ZNF480: variants seen among roughly 807,000 people sequenced by gnomAD.
The protein encoded by ZNF480 is zinc finger protein 480.
In ZNF480, 15 loss-of-function variants were observed where a neutral mutation model predicts 14.4. The ratio of observed to expected loss-of-function variants is 1.04; its 90% confidence interval spans 0.70 to 1.60. The LOEUF is 1.60. ZNF480 is among the 40% of genes most tolerant of loss of function. The pLI, the probability that ZNF480 is intolerant of heterozygous loss-of-function variation, is 0.00. For synonymous variants in ZNF480, 218 were observed against 215.5 expected, an observed-to-expected ratio of 1.01 and a Z score of -0.10; for missense variants, 593 against 629.7, an observed-to-expected ratio of 0.94 and a Z score of 0.62.
At chr19:52,307,963 AGCCTGTTTATGACAGGCTTAGG>A (rs1450933924) in intron 2 of ZNF480, among the ~76,000 whole-genome samples, 1 of 152,200 alleles carries the variant, frequency 6.6e-6, no homozygotes, top group Non-Finnish European at 1.5e-5. Flanking sequence ...GCTTCTTTAA[AGCCTGTTTATGACAGGCTTAGG>A]GCCTGTTGCC....
intron 1 of ZNF480, among the ~76,000 whole-genome samples, chr19:52,298,430 T>C (rs1982520424): frequency 6.6e-6 from 1 of 151,982 alleles, no homozygotes; most frequent in South Asian, 2.1e-4. Flanking sequence ...GTCAGGAGTT[T>C]GAGACCAGCG....
At chr19:52,309,545 C>T (rs1161623119) in intron 2 of ZNF480, among the ~76,000 whole-genome samples, 1 of 152,184 alleles carries the variant, frequency 6.6e-6, no homozygotes, top group African/African-American at 2.4e-5. Flanking sequence ...GAAACTTGTC[C>T]CTTAGGCAGT....
chr19:52,297,483 C>T (rs1294446449), intron 1 of ZNF480, among the ~76,000 whole-genome samples: 2 of 151,894 alleles, frequency 1.3e-5, no homozygotes, highest in East Asian at 2.0e-4. Flanking sequence ...TCAAGTCCTT[C>T]AGTGATGCTT....
intron 2 of ZNF480, among the ~76,000 whole-genome samples, chr19:52,312,473 A>C (rs1374126217): frequency 6.6e-6 from 1 of 152,032 alleles, no homozygotes; most frequent in Admixed American, 6.6e-5. Flanking sequence ...ATGACCTTTT[A>C]TGAAGGTCCA....
chr19:52,301,334 G>C (rs1396917372), intron 2 of ZNF480: 3 of 152,286 alleles, frequency 2.0e-5, no homozygotes, highest in Admixed American at 1.3e-4. Flanking sequence ...CCTGGCATTA[G>C]CATCAGATGT....
At chr19:52,307,940 C>T (rs570438315) in intron 2 of ZNF480, among the ~76,000 whole-genome samples, 2 of 152,122 alleles carry the variant, frequency 1.3e-5, no homozygotes, top group Admixed American at 1.3e-4. Context: ...TGCAGAAATC[C>T]TATTTATGGC....
intron 4 of ZNF480, among the ~76,000 whole-genome samples, chr19:52,317,144 A>G (rs1355398238): frequency 6.6e-6 from 1 of 151,860 alleles, no homozygotes; most frequent in Admixed American, 6.6e-5. Flanking sequence ...CAGCCTCCCA[A>G]ACAGCTAGGA....
intron 2 of ZNF480, chr19:52,300,914 C>G (rs577654661): frequency 5.0e-6 from 1 of 201,118 alleles, no homozygotes; most frequent in African/African-American, 2.3e-5. Flanking sequence ...AAGGCACAGG[C>G]CACTCATGCT....
chr19:52,312,620 T>C (rs1377126101), intron 2 of ZNF480, among the ~76,000 whole-genome samples: 1 of 152,226 alleles, frequency 6.6e-6, no homozygotes, highest in Non-Finnish European at 1.5e-5. Flanking sequence ...CTTACTTTGC[T>C]GTTTTTAGTC....
intron 1 of ZNF480, 32 bp downstream of exon 1, chr19:52,297,255 C>T (rs1031760403): frequency 8.9e-6 from 4 of 449,626 alleles, no homozygotes; most frequent in Admixed American, 7.2e-5. Flanking sequence ...TTAATCTGCG[C>T]TTCCCAACTC....
At chr19:52,313,450 T>C (rs903099626) in intron 2 of ZNF480, among the ~76,000 whole-genome samples, 4 of 152,122 alleles carry the variant, frequency 2.6e-5, no homozygotes, top group African/African-American at 9.7e-5. Flanking sequence ...TAATTCTTTT[T>C]TTTTTTTGAA....
intron 2 of ZNF480, chr19:52,302,123 GT>G: frequency 8.3e-6 from 2 of 240,048 alleles, no homozygotes; most frequent in South Asian, 5.4e-5. Context: ...TCGGCTGCTG[GT>G]TTTGGCCTGG....
intron 1 of ZNF480, chr19:52,297,975 G>A (rs1982491022): frequency 6.6e-6 from 1 of 152,252 alleles, no homozygotes; most frequent in Non-Finnish European, 1.5e-5. Flanking sequence ...GTAGAGAGTG[G>A]ATGGAGGATT....
At chr19:52,316,345 G>A (rs2122551332) in intron 4 of ZNF480, among the ~76,000 whole-genome samples, 1 of 152,070 alleles carries the variant, frequency 6.6e-6, no homozygotes, top group South Asian at 2.1e-4. Flanking sequence ...TGCTACCTCA[G>A]CCTTCCAGGT....
chr19:52,316,481 C>T (rs568847321), intron 4 of ZNF480, among the ~76,000 whole-genome samples: 4 of 152,116 alleles, frequency 2.6e-5, no homozygotes, highest in South Asian at 2.1e-4. Context: ...CTATCTGCCT[C>T]TGCCTCCCAA....
intron 3 of ZNF480, among the ~76,000 whole-genome samples, chr19:52,315,613 G>T (rs759083228): frequency 6.6e-6 from 1 of 151,900 alleles, no homozygotes; most frequent in African/African-American, 2.4e-5. Flanking sequence ...GAGCCACCAC[G>T]CCCAGCCTCT....
In ZNF480 at chr19:52,325,742, A is replaced by G. The variant is rs371511250; in HGVS notation, c.*2884A>G. On this transcript the variant is annotated 3_prime_UTR_variant, in exon 5 of 5. Transcript: ENST00000595962. ...GATTACACATGGACTCAAAGAAGGG[A>G]ACAGTAGACACGGGCTTATGGGTGG... 1 of 152,232 alleles carries G rather than the reference A, an allele frequency of 6.6e-6. No individual in the cohort carries two copies. Among genetic ancestry groups the G allele is most frequent in the African/African-American group, 2.4e-5 (1 of 41,470 alleles). 9.4% of individuals were successfully genotyped at this position (152,232 alleles called of 1,614,324 possible).
intron 2 of ZNF480, among the ~76,000 whole-genome samples, chr19:52,313,548 A>C (rs1342876712): frequency 6.6e-6 from 1 of 152,204 alleles, no homozygotes; most frequent in Non-Finnish European, 1.5e-5. Context: ...GTAGATACTG[A>C]ATATGACTTG....
chr19:52,299,817 C>T (rs1180015069), intron 1 of ZNF480, among the ~76,000 whole-genome samples: 1 of 152,164 alleles, frequency 6.6e-6, no homozygotes, highest in Non-Finnish European at 1.5e-5. Context: ...CCTCAGCCTC[C>T]CAAGTAGCTG....
Sources: gnomAD v4.1 joint callset for allele counts (sites outside exome capture counted in the v4.1 genomes callset) on GRCh38, gnomAD v4.1.1 for gene constraint, MANE v1.5 for transcripts, NCBI Gene and HGNC (gene_info 2026-07-23, HGNC 2026-07-21) for gene names.